The following PRMT8 variants were observed in gnomAD, a reference collection of about 807,000 sequenced individuals.
PRMT8 encodes the protein protein arginine methyltransferase 8, also known as protein arginine N-methyltransferase 8.
PRMT8 carries 7 observed loss-of-function variants against 47.1 expected under a neutral mutation model. The observed-to-expected ratio is 0.15, with a 90% CI of 0.08 to 0.28. The LOEUF is 0.28. PRMT8 is among the 10% of genes least tolerant of loss of function. The pLI, the probability that PRMT8 is intolerant of heterozygous loss-of-function variation, is 1.00. For missense variants in PRMT8, 237 were observed against 505.4 expected (o/e 0.47, Z 5.09); for synonymous variants, 188 against 186.5 (o/e 1.01, Z -0.07).
chr12:3,388,897 T>G (rs1591535695), intron 1 of PRMT8, among the ~76,000 whole-genome samples: 1 of 152,346 alleles, frequency 6.6e-6, no homozygotes, highest in Non-Finnish European at 1.5e-5. Flanking sequence ...CAAAGCCTGA[T>G]GCGTGTCAGT....
At position 3,552,477 on chromosome 12, in the gene PRMT8, G is replaced by A. The variant is rs1443837668; in HGVS notation, c.418-1174G>A. 3.7e-6 allele frequency: 1 copy of A among 273,294 alleles called. No homozygotes were observed. Among genetic ancestry groups the A allele is most frequent in the Non-Finnish European group, 7.4e-6 (1 of 135,358 alleles). 16.9% of individuals were successfully genotyped at this position (273,294 alleles called of 1,614,324 possible). ...GGCATAAATCCAGGCCTGGCTCCGG[G>A]TCGCATGCTCCTCATCACTCAACAT... On this transcript the variant is annotated intron_variant, in intron 3 of 9. Coordinates refer to ENST00000382622, the MANE Select transcript of PRMT8 (RefSeq NM_019854.5). This position sits in a 1 kb window ranked among gnomAD's most constrained non-coding sequence, Gnocchi z 4.5.
intron 1 of PRMT8, among the ~76,000 whole-genome samples, chr12:3,396,618 C>G (rs555617243): frequency 6.6e-6 from 1 of 152,050 alleles, no homozygotes; most frequent in African/African-American, 2.4e-5. Flanking sequence ...GTGGGTAACC[C>G]GACCTTTCTC....
rs895988152 is a variant in PRMT8 at position 3,491,293 on chromosome 12, A to ACCG, written c.-316_-314dup. On this transcript the variant is annotated 5_prime_UTR_variant, in exon 1 of 10. Transcript: ENST00000382622. ...GCGAGCAGCCTGGAGAGGATCCGCGACCGCCGCCGCCGCCGCCGCGGAGGC... is the reference window on the plus strand; with the variant it reads ...GCGAGCAGCCTGGAGAGGATCCGCGACCGCCGCCGCCGCCGCCGCCGCGGAGGC... The ACCG allele has an allele frequency of 7.5e-5, 84 of 1,126,066 alleles. No homozygotes were observed. In the East Asian group the frequency reaches 1.1e-3, roughly 15 times the overall value. 69.8% of individuals were successfully genotyped at this position (1,126,066 alleles called of 1,614,324 possible). A position where few individuals can be genotyped will look rare whatever the true frequency, so the allele number is the denominator to read the frequency against.
rs376153849 is a variant in PRMT8, at chr12:3,540,638, C to A, written c.108C>A (p.Pro36=). ...VNSPPSQPPQ[P]VVPAKPVQCV... ...GCCCCCCCTCCCAGCCCCCCCAGCC[C>A]GTCGTCCCTGCTAAGCCCGTGCAAT... Residue 36 remains proline, a synonymous_variant, in exon 2 of 10, where the codon CCC becomes CCA. Coordinates refer to ENST00000382622, the MANE Select transcript of PRMT8 (RefSeq NM_019854.5). 1.3e-6 allele frequency: 2 copies of A among 1,589,478 alleles called. No homozygotes were observed. Among genetic ancestry groups the A allele is most frequent in the African/African-American group, 2.7e-5 (2 of 74,196 alleles).
chr12:3,420,208 C>G (rs1429012701), intron 1 of PRMT8, among the ~76,000 whole-genome samples: 1 of 152,136 alleles, frequency 6.6e-6, no homozygotes, highest in Admixed American at 6.5e-5. Flanking sequence ...AAAACTCTCT[C>G]TCTCTCTCTC....
intron 1 of PRMT8, among the ~76,000 whole-genome samples, chr12:3,387,846 C>T (rs570521123): frequency 1.4e-4 from 22 of 152,288 alleles, no homozygotes; most frequent in South Asian, 6.2e-4. Flanking sequence ...GAATTACATG[C>T]AGACATTATG....
At chr12:3,444,901 A>AAGAC (rs1864841059) in intron 1 of PRMT8, among the ~76,000 whole-genome samples, 1 of 152,198 alleles carries the variant, frequency 6.6e-6, no homozygotes, top group African/African-American at 2.4e-5. Context: ...TTGCAAGGAA[A>AAGAC]AGACAGTGGG....
chr12:3,533,272 A>G (rs1026297925), intron 1 of PRMT8, among the ~76,000 whole-genome samples: 3 of 152,140 alleles, frequency 2.0e-5, no homozygotes, highest in Admixed American at 6.5e-5. Flanking sequence ...CTGAAGAATA[A>G]ACCAGAGCAA....
At chr12:3,577,355 A>G (rs1039994356) in intron 7 of PRMT8, among the ~76,000 whole-genome samples, 11 of 152,204 alleles carry the variant, frequency 7.2e-5, no homozygotes, top group Non-Finnish European at 1.5e-4. Context: ...TAGGGAAGAA[A>G]TCCAGGACCT....
At chr12:3,439,536 C>T (rs1192853770) in intron 1 of PRMT8, among the ~76,000 whole-genome samples, 1 of 152,186 alleles carries the variant, frequency 6.6e-6, no homozygotes, top group African/African-American at 2.4e-5. Flanking sequence ...CCTTTCTCAG[C>T]TTACATCCCA....
At chr12:3,579,973 C>T (rs546225145) in intron 7 of PRMT8, among the ~76,000 whole-genome samples, 19 of 151,912 alleles carry the variant, frequency 1.3e-4, no homozygotes, top group African/African-American at 3.6e-4. Context: ...GCCTCCTAGT[C>T]GAGGGGCTGG....
intron 4 of PRMT8, 138 bp downstream of exon 4, chr12:3,553,852 G>A (rs1195987410): frequency 1.3e-5 from 10 of 769,084 alleles, no homozygotes; most frequent in South Asian, 1.3e-4. Flanking sequence ...GCCCCCGCCA[G>A]CAAGACTGCG....
rs1866947876 is a variant in PRMT8, at chr12:3,576,547, GAAGA to G, written c.713-323_713-320del. On this transcript the variant is annotated intron_variant, in intron 6 of 9. Coordinates refer to ENST00000382622, the MANE Select transcript of PRMT8 (RefSeq NM_019854.5). This position sits in a 1 kb window ranked among gnomAD's most constrained non-coding sequence, Gnocchi z 4.0. ...GCTGGCTTGGGGAGGGGACAGGAAGGAAGAGTCAGCTAGCCTGGGTTCTAGTCTT... is the reference window on the plus strand; with the variant it reads ...GCTGGCTTGGGGAGGGGACAGGAAGGGTCAGCTAGCCTGGGTTCTAGTCTT... Among the ~76,000 whole-genome samples the G allele has an allele frequency of 6.6e-6, 1 of 151,768 alleles. No homozygotes were observed. Among genetic ancestry groups the G allele is most frequent in the African/African-American group, 2.4e-5 (1 of 41,052 alleles).
chr12:3,397,734 T>TCC (rs886718897), intron 1 of PRMT8, among the ~76,000 whole-genome samples: 1 of 151,984 alleles, frequency 6.6e-6, no homozygotes, highest in African/African-American at 2.4e-5. Context: ...TGTGGTGGGC[T>TCC]CCCCCCAGTT....
intron 1 of PRMT8, among the ~76,000 whole-genome samples, chr12:3,536,063 T>C (rs1277024732): frequency 6.6e-6 from 1 of 152,200 alleles, no homozygotes; most frequent in East Asian, 1.9e-4. Context: ...TGGATTCCTA[T>C]AAGTGTTCCA....
At position 3,535,174 on chromosome 12, in the gene PRMT8, C is replaced by T. The variant is rs186365727; in HGVS notation, c.76-5432C>T. Among the ~76,000 whole-genome samples, 1 of 152,316 alleles carries T rather than the reference C, an allele frequency of 6.6e-6. No homozygotes were observed. Among genetic ancestry groups the T allele is most frequent in the Admixed American group, 6.5e-5 (1 of 15,310 alleles). On this transcript the variant is annotated intron_variant, in intron 1 of 9. Coordinates refer to ENST00000382622, the MANE Select transcript of PRMT8 (RefSeq NM_019854.5). This position sits in a 1 kb window ranked among gnomAD's most constrained non-coding sequence, Gnocchi z 4.7. ...CCCTTCAAGGACGAGCTCACAAGCTCACATGCCCCTTCTTCAGGAAGCCAG... is the reference window on the plus strand; with the variant it reads ...CCCTTCAAGGACGAGCTCACAAGCTTACATGCCCCTTCTTCAGGAAGCCAG...
rs548231779 is a variant in PRMT8 at position 3,410,000 on chromosome 12, A to G, written c.48+28558A>G. ...GGCTCTGGCCCTCTGGCAGCCTGTT[A>G]CCTCTGGTTAGCTCCTGATCCTGTA... is the stretch of plus-strand genomic sequence containing the variant. On this transcript the variant is annotated intron_variant, in intron 1 of 9. Coordinates refer to the PRMT8 transcript ENST00000452611. This position sits in a 1 kb window ranked among gnomAD's most constrained non-coding sequence, Gnocchi z 4.4. Among the ~76,000 whole-genome samples, 3 of 152,218 alleles carry G rather than the reference A, an allele frequency of 2.0e-5. No individual in the cohort carries two copies. The highest frequency in any genetic ancestry group is 2.0e-4 in the Admixed American group (3 of 15,290).
intron 1 of PRMT8, among the ~76,000 whole-genome samples, chr12:3,401,229 T>C (rs1291888730): frequency 6.7e-6 from 1 of 149,344 alleles, no homozygotes; most frequent in Non-Finnish European, 1.5e-5. Flanking sequence ...AAAAACCACA[T>C]GATTATCTCA....
chr12:3,533,402 C>G (rs1236520660), intron 1 of PRMT8, among the ~76,000 whole-genome samples: 1 of 152,202 alleles, frequency 6.6e-6, no homozygotes, highest in Admixed American at 6.5e-5. Context: ...TTGAATGTGG[C>G]CCAACACAAA....
Sources: allele counts gnomAD v4.1 joint callset (sites outside exome capture counted in the v4.1 genomes callset), GRCh38; gene constraint gnomAD v4.1.1; non-coding constraint Gnocchi (gnomAD v3.1); transcripts MANE v1.5; gene names NCBI Gene and HGNC (gene_info 2026-07-23, HGNC 2026-07-21).